The following FGD6 variants were observed in gnomAD, a reference collection of about 807,000 sequenced individuals.
FGD6 encodes FYVE, RhoGEF and PH domain-containing protein 6.
In FGD6, 90 loss-of-function variants were observed where a neutral mutation model predicts 149.4. The observed-to-expected ratio is 0.60, with a 90% CI of 0.51 to 0.72. FGD6 has a LOEUF of 0.72. Ranked by LOEUF, FGD6 falls within the 30% of genes least tolerant of loss-of-function variation. The pLI is 0.00. For missense variants in FGD6, 1,437 were observed against 1,684.8 expected, an observed-to-expected ratio of 0.85 and a Z score of 2.57; for synonymous variants, 527 against 584.0, an observed-to-expected ratio of 0.90 and a Z score of 1.41.
At chr12:95,086,793 G>A (rs1210322915) in intron 18 of FGD6, among the ~76,000 whole-genome samples, 3 of 144,896 alleles carry the variant, frequency 2.1e-5, no homozygotes, top group Admixed American at 7.0e-5. Context: ...TGATCCACCC[G>A]CCTTGGCCTC....
chr12:95,085,818 T>G lies in FGD6; in HGVS notation c.4069A>C (p.Ile1357Leu). ...TATGTATATAGTACTTTATTTTTTA[T>G]GACAAACCAAAAGTGTTTCCAGGGT... ...KKPWKHFWFVIKNKVLYTYAA... is the reference protein window; with the variant it reads ...KKPWKHFWFVLKNKVLYTYAA... The change falls in exon 19 of 21, where the codon ATA becomes CTA. Residue 1357 changes from isoleucine (I) to leucine (L), a missense_variant. This residue lies in a region of FGD6 where 382 missense variants were observed against 538.7 expected (regional missense o/e 0.71). Transcript: ENST00000343958. 5.0e-6 allele frequency: 8 copies of G among 1,613,990 alleles called. No homozygotes were observed. The highest frequency in any genetic ancestry group is 6.8e-6 in the Non-Finnish European group (8 of 1,179,944).
chr12:95,123,212 A>G (rs1304368151), intron 8 of FGD6, among the ~76,000 whole-genome samples: 2 of 152,154 alleles, frequency 1.3e-5, no homozygotes, highest in Non-Finnish European at 2.9e-5. Context: ...CCTGGCCAAC[A>G]TGGTGAAACC....
intron 2 of FGD6, among the ~76,000 whole-genome samples, chr12:95,174,157 G>C (rs1201797214): frequency 6.6e-6 from 1 of 152,104 alleles, no homozygotes; most frequent in Non-Finnish European, 1.5e-5. Flanking sequence ...GGTAAGTGGT[G>C]GATAGAGGAT....
At chr12:95,193,375 G>A (rs1374744983) in intron 2 of FGD6, among the ~76,000 whole-genome samples, 2 of 135,272 alleles carry the variant, frequency 1.5e-5, no homozygotes, top group African/African-American at 5.6e-5. Flanking sequence ...TTTTTTTTTT[G>A]AGGCGGAATT....
chr12:95,081,779 G>A (rs1224294484), intron 20 of FGD6, among the ~76,000 whole-genome samples: 2 of 150,704 alleles, frequency 1.3e-5, no homozygotes, highest in Non-Finnish European at 2.9e-5. Context: ...CTGCTTCCTG[G>A]GTTCAAGCGA....
chr12:95,093,926 G>A (rs1878153535), intron 15 of FGD6, among the ~76,000 whole-genome samples: 2 of 151,754 alleles, frequency 1.3e-5, no homozygotes, highest in South Asian at 4.1e-4. Flanking sequence ...TTGGAAGGCC[G>A]AGGCAGGCGG....
chr12:95,117,819 G>A (rs1243636186), intron 8 of FGD6, among the ~76,000 whole-genome samples: 7 of 152,044 alleles, frequency 4.6e-5, no homozygotes, highest in African/African-American at 7.2e-5. Context: ...CGAGGTGGGC[G>A]GATCATGAGG....
chr12:95,172,122 T>A (rs1258165507), intron 3 of FGD6, among the ~76,000 whole-genome samples: 1 of 151,578 alleles, frequency 6.6e-6, no homozygotes, highest in African/African-American at 2.4e-5. Context: ...ACGCCTGTAA[T>A]CCCAGCACTT....
chr12:95,134,941 T>A, intron 7 of FGD6, 115 bp from the exon 8 acceptor site: 1 of 727,076 alleles, frequency 1.4e-6, no homozygotes, highest in Non-Finnish European at 2.3e-6. Flanking sequence ...AGGAGATTCG[T>A]AGAGAGGCTC....
At chr12:95,171,448 A>G (rs1297691583) in intron 3 of FGD6, among the ~76,000 whole-genome samples, 1 of 152,180 alleles carries the variant, frequency 6.6e-6, no homozygotes, top group African/African-American at 2.4e-5. Context: ...TCTCTTAAAA[A>G]ATGTGGTTTC....
In FGD6 at chr12:95,108,572, CAGGA is replaced by C; in HGVS notation, c.3134-15_3134-12del. ...CAACAGCAAGGGCATCTGAAATAGG[CAGGA>C]ACAAAACGTGCATTTAGTAATTACA... On this transcript the variant is annotated splice_polypyrimidine_tract_variant and intron_variant, in intron 9 of 20. Coordinates refer to ENST00000343958, the MANE Select transcript of FGD6 (RefSeq NM_018351.4). The C allele has an allele frequency of 1.2e-6, 2 of 1,613,808 alleles. No homozygotes were observed. The highest frequency in any genetic ancestry group is 4.5e-5 in the East Asian group (2 of 44,880).
At chr12:95,214,845 TTC>T (rs1227636657) in intron 1 of FGD6, among the ~76,000 whole-genome samples, 2 of 151,276 alleles carry the variant, frequency 1.3e-5, no homozygotes, top group East Asian at 3.9e-4. Flanking sequence ...ATACCTATAA[TTC>T]TCTCTCCTTT....
chr12:95,133,659 G>A (rs1027552345), intron 8 of FGD6, among the ~76,000 whole-genome samples: 1 of 152,070 alleles, frequency 6.6e-6, no homozygotes, highest in African/African-American at 2.4e-5. Context: ...ACATTTTGAC[G>A]TTCTTGTCCA....
At chr12:95,207,983 A>T (rs2056701659) in intron 2 of FGD6, among the ~76,000 whole-genome samples, 1 of 152,082 alleles carries the variant, frequency 6.6e-6, no homozygotes, top group Non-Finnish European at 1.5e-5. Context: ...CAGTGTAGTG[A>T]CTCATGCCTG....
chr12:95,165,647 T>G (rs1305869496), intron 3 of FGD6, among the ~76,000 whole-genome samples: 1 of 151,480 alleles, frequency 6.6e-6, no homozygotes, highest in Non-Finnish European at 1.5e-5. Flanking sequence ...CAATTTTGTT[T>G]TTTCCTAAGT....
chr12:95,132,243 C>T (rs7971041), intron 8 of FGD6, among the ~76,000 whole-genome samples: 102,762 of 151,886 alleles, frequency 0.68, 34,960 homozygotes, highest in Middle Eastern at 0.71. Flanking sequence ...CTCAAATTCC[C>T]GGGCTCAAGC....
intron 3 of FGD6, among the ~76,000 whole-genome samples, chr12:95,154,544 C>T (rs1880414765): frequency 6.6e-6 from 1 of 152,078 alleles, no homozygotes; most frequent in South Asian, 2.1e-4. Flanking sequence ...AAGGAACAAG[C>T]AAGTATAAAT....
At chr12:95,115,565 G>A (rs926144805) in intron 8 of FGD6, among the ~76,000 whole-genome samples, 1 of 152,192 alleles carries the variant, frequency 6.6e-6, no homozygotes, top group East Asian at 1.9e-4. Flanking sequence ...AGATAGGATT[G>A]TATTTTAGTT....
intron 2 of FGD6, among the ~76,000 whole-genome samples, chr12:95,188,824 T>G (rs1881515973): frequency 6.6e-6 from 1 of 151,216 alleles, no homozygotes; most frequent in Non-Finnish European, 1.5e-5. Context: ...TAATACTTGG[T>G]AAGGAAAGGT....
Sources: allele counts gnomAD v4.1 joint callset (sites outside exome capture counted in the v4.1 genomes callset), GRCh38; gene constraint gnomAD v4.1.1; regional missense constraint gnomAD v4.1.1; transcripts MANE v1.5; gene names NCBI Gene and HGNC (gene_info 2026-07-23, HGNC 2026-07-21).